Variants in SCD observed in about 807,000 individuals in gnomAD.
The protein encoded by SCD is acyl-CoA desaturase.
A neutral mutation model predicts 35.7 loss-of-function variants in SCD; 4 were observed. The observed-to-expected ratio is 0.11, with a 90% confidence interval of 0.06 to 0.26. SCD has a LOEUF of 0.26. Among genes scored for constraint, SCD ranks in the 10% least tolerant of loss-of-function variants. The probability of loss-of-function intolerance (pLI) is 1.00; values close to 1 mark genes in which losing one functional copy is unlikely to be tolerated. For synonymous variants in SCD, 150 were observed against 170.2 expected (o/e 0.88, Z 0.92); for missense variants, 282 against 460.7 (o/e 0.61, Z 3.55).
Position 100,352,588 on chromosome 10 carries a change from C to G in SCD, c.441+92C>G. ...GGATCAGCACCAGAGAGGAGCCACA[C>G]CTGACAGCCATTTCACTTTCCTCTC... is the stretch of plus-strand genomic sequence containing the variant. On this transcript the variant is annotated intron_variant, in intron 3 of 5. Transcript: ENST00000370355. This position sits in a 1 kb window ranked among gnomAD's most constrained non-coding sequence, Gnocchi z 4.2. 1 of 1,225,554 alleles carries G rather than the reference C, an allele frequency of 8.2e-7. No individual in the cohort carries two copies. 75.9% of individuals were successfully genotyped at this position (1,225,554 alleles called of 1,614,324 possible). A position where few individuals can be genotyped will look rare whatever the true frequency, so the allele number is the denominator to read the frequency against.
chr10:100,348,017 C>T, intron 1 of SCD, 47 bp from the exon 2 acceptor site: 1 of 1,583,200 alleles, frequency 6.3e-7, no homozygotes, highest in Non-Finnish European at 8.6e-7. Flanking sequence ...GCCCCAGCTG[C>T]CTCCACGTGT....
intron 2 of SCD, among the ~76,000 whole-genome samples, chr10:100,348,805 G>A (rs1463522905): frequency 1.3e-5 from 2 of 152,180 alleles, no homozygotes; most frequent in Non-Finnish European, 2.9e-5. Flanking sequence ...ATTGGAAAGG[G>A]AGGAGAGAGC....
intron 2 of SCD, among the ~76,000 whole-genome samples, chr10:100,351,177 A>G (rs1192049205): frequency 1.3e-5 from 2 of 152,224 alleles, no homozygotes; most frequent in African/African-American, 4.8e-5. Context: ...TCTGCCTGCT[A>G]GAGCTACTGA....
rs1589701216 is a variant in SCD at position 100,363,374 on chromosome 10, A to T, written c.*2441A>T. ...TTGAGCCCCAGTGCTGGAAGGGAGG[A>T]AGGCCTTTCTTCTGTGTTAATTGCG... On this transcript the variant is annotated 3_prime_UTR_variant, in exon 6 of 6. Coordinates refer to ENST00000370355, the MANE Select transcript of SCD (RefSeq NM_005063.5). 1 of 152,278 alleles carries T rather than the reference A, an allele frequency of 6.6e-6. No individual in the cohort carries two copies. Among genetic ancestry groups the T allele is most frequent in the African/African-American group, 2.4e-5 (1 of 41,460 alleles). The allele number at this position is 152,278 out of a possible 1,614,324, so 9.4% of individuals were successfully genotyped here.
rs1849882663 is a variant in SCD, at chr10:100,352,478, C to G, written c.423C>G (p.Ala141=). ...RLPLRLFLII[A]NTMAFQNDVY... ...CCCTACGGCTCTTTCTGATCATTGC[C>G]AACACAATGGCATTCCAGGTAAGAA... The change falls in exon 3 of 6, where the codon GCC becomes GCG. Residue 141 remains alanine, a synonymous_variant. Coordinates refer to ENST00000370355, the MANE Select transcript of SCD (RefSeq NM_005063.5). The surrounding 1 kb of genome is among the most constrained non-coding windows in gnomAD (Gnocchi z 4.2). The G allele has an allele frequency of 6.2e-7, 1 of 1,613,970 alleles. No individual in the cohort carries two copies. Among genetic ancestry groups the G allele is most frequent in the Middle Eastern group, 1.6e-4 (1 of 6,062 alleles).
Position 100,347,488 on chromosome 10 carries a change from G to A in SCD, c.-17G>A. 3 of 1,613,750 alleles carry A rather than the reference G, an allele frequency of 1.9e-6. No individual in the cohort carries two copies. The South Asian group carries it at 3.3e-5, about 18-fold the overall frequency. ...CCTCAGCCCCCTGGAAAGTGATCCC[G>A]GCATCCGAGAGCCAAGATGCCGGCC... On this transcript the variant is annotated 5_prime_UTR_variant, in exon 1 of 6. Coordinates refer to ENST00000370355, the MANE Select transcript of SCD (RefSeq NM_005063.5).
chr10:100,360,224 A>G (rs1849975870), intron 5 of SCD, among the ~76,000 whole-genome samples: 1 of 152,258 alleles, frequency 6.6e-6, no homozygotes, highest in Non-Finnish European at 1.5e-5. Flanking sequence ...TCATAGCCAG[A>G]GTGCTTCATT....
At chr10:100,357,196 A>G (rs1413059541) in intron 5 of SCD, among the ~76,000 whole-genome samples, 1 of 152,228 alleles carries the variant, frequency 6.6e-6, no homozygotes, top group Non-Finnish European at 1.5e-5. Context: ...AATGCCATAC[A>G]TGATGAGCAC....
At chr10:100,351,099 G>T (rs919452104) in intron 2 of SCD, among the ~76,000 whole-genome samples, 1 of 152,216 alleles carries the variant, frequency 6.6e-6, no homozygotes, top group African/African-American at 2.4e-5. Context: ...GGCCACTGAG[G>T]ATCTATTGTT....
intron 1 of SCD, 134 bp from the exon 2 acceptor site, chr10:100,347,930 T>C (rs1849818548): frequency 1.1e-6 from 1 of 884,244 alleles, no homozygotes; most frequent in Non-Finnish European, 1.8e-6. Context: ...GGATACACCC[T>C]ACCCTCAGTG....
intron 5 of SCD, among the ~76,000 whole-genome samples, chr10:100,357,167 CA>C (rs1408918253): frequency 6.6e-6 from 1 of 152,090 alleles, no homozygotes; most frequent in Non-Finnish European, 1.5e-5. Context: ...GCAAAACAAA[CA>C]AACAAAAAAG....
At position 100,347,395 on chromosome 10, in the gene SCD, G is replaced by A; in HGVS notation, c.-110G>A. On this transcript the variant is annotated 5_prime_UTR_variant, in exon 1 of 6. Coordinates refer to ENST00000370355, the MANE Select transcript of SCD (RefSeq NM_005063.5). ...ACAACCAGCTAGCGTGCAAGGCGCC[G>A]CGGCTCAGCGCGTACCGGCGGGCTT... 1 of 1,241,072 alleles carries A rather than the reference G, an allele frequency of 8.1e-7. No individual in the cohort carries two copies. Among genetic ancestry groups the A allele is most frequent in the Non-Finnish European group, 1.2e-6 (1 of 858,584 alleles). The allele number at this position is 1,241,072 out of a possible 1,614,324, so 76.9% of individuals were successfully genotyped here.
chr10:100,359,452 CTG>C (rs1849967092), intron 5 of SCD, among the ~76,000 whole-genome samples: 1 of 152,108 alleles, frequency 6.6e-6, no homozygotes. Context: ...TCCCTTGTCT[CTG>C]TGTGCATCTG....
At chr10:100,350,543 A>G (rs1041038940) in intron 2 of SCD, among the ~76,000 whole-genome samples, 1 of 152,084 alleles carries the variant, frequency 6.6e-6, no homozygotes, top group African/African-American at 2.4e-5. Context: ...TTAACCATCA[A>G]TCTGGACATT....
At chr10:100,354,686 G>T in intron 4 of SCD, 54 bp downstream of exon 4, 1 of 1,395,236 alleles carries the variant, frequency 7.2e-7, no homozygotes, top group Non-Finnish European at 1.0e-6. Flanking sequence ...TGGTCATTAG[G>T]GACCCCATTT....
chr10:100,347,693 T>A (rs963618728), intron 1 of SCD, among the ~76,000 whole-genome samples, 162 bp downstream of exon 1: 1 of 152,220 alleles, frequency 6.6e-6, no homozygotes, highest in East Asian at 1.9e-4. Context: ...GATTGTAATT[T>A]GGGGACTTGA....
chr10:100,348,263 T>C lies in SCD; in HGVS notation c.227T>C (p.Ile76Thr). 1 of 1,614,140 alleles carries C rather than the reference T, an allele frequency of 6.2e-7. No individual in the cohort carries two copies. The highest frequency in any genetic ancestry group is 8.5e-7 in the Non-Finnish European group (1 of 1,180,018). The change falls in exon 2 of 6, where the codon ATC (isoleucine) becomes ACC (threonine). Residue 76 changes from isoleucine to threonine, a missense_variant. This residue lies in a region of SCD where 205 missense variants were observed against 372.3 expected (regional missense o/e 0.55). Transcript: ENST00000370355. ...AAGGTTGAATATGTCTGGAGAAACA[T>C]CATCCTTATGTCTCTGCTACACTTG... ...SPKVEYVWRN[I>T]ILMSLLHLGA...
chr10:100,357,460 A>G (rs1849939849), intron 5 of SCD, among the ~76,000 whole-genome samples: 1 of 152,028 alleles, frequency 6.6e-6, no homozygotes, highest in Admixed American at 6.6e-5. Context: ...GTGGCCCTTT[A>G]CTACCACCTA....
Position 100,356,090 on chromosome 10 carries a change from C to T in SCD, c.648-442C>T, listed in dbSNP as rs993081518. Among the ~76,000 whole-genome samples the T allele has an allele frequency of 6.6e-6, 1 of 152,084 alleles. No homozygotes were observed. The highest frequency in any genetic ancestry group is 1.5e-5 in the Non-Finnish European group (1 of 68,026). ...GTATTATGCTCTAGTAAAAAGTCAGCGATGGCCGGGCATGGTGGCTCATGC... is the reference window on the plus strand; with the variant it reads ...GTATTATGCTCTAGTAAAAAGTCAGTGATGGCCGGGCATGGTGGCTCATGC... On this transcript the variant is annotated intron_variant, in intron 4 of 5. Transcript: ENST00000370355. The surrounding 1 kb of genome is among the most constrained non-coding windows in gnomAD (Gnocchi z 4.1).
Sources: allele counts gnomAD v4.1 joint callset (sites outside exome capture counted in the v4.1 genomes callset), GRCh38; gene constraint gnomAD v4.1.1; regional missense constraint gnomAD v4.1.1; non-coding constraint Gnocchi (gnomAD v3.1); transcripts MANE v1.5; gene names NCBI Gene and HGNC (gene_info 2026-07-23, HGNC 2026-07-21).